ABCA4: variants seen among roughly 807,000 people sequenced by gnomAD.
The protein encoded by ABCA4 is ATP binding cassette subfamily A member 4.
Under a neutral mutation model 263.7 loss-of-function variants are expected in ABCA4, and 196 were observed. That is an observed-to-expected ratio of 0.74 (90% CI 0.66 to 0.84). The LOEUF is 0.84. ABCA4 is among the 40% of genes least tolerant of loss of function. The pLI, the probability that ABCA4 is intolerant of heterozygous loss-of-function variation, is 0.00. For missense variants in ABCA4, 2,792 were observed against 2,855.1 expected, an observed-to-expected ratio of 0.98 and a Z score of 0.50; for synonymous variants, 1,133 against 1,094.2, an observed-to-expected ratio of 1.04 and a Z score of -0.70.
chr1:94,077,454 G>T (rs948479869), intron 11 of ABCA4, among the ~76,000 whole-genome samples: 2 of 152,310 alleles, frequency 1.3e-5, no homozygotes, highest in Admixed American at 6.5e-5. Context: ...ACAGGAGGAG[G>T]TGCCCAGCAT....
At chr1:94,006,483 A>G (rs1014295765) in intron 43 of ABCA4, among the ~76,000 whole-genome samples, 2 of 152,184 alleles carry the variant, frequency 1.3e-5, no homozygotes, top group African/African-American at 4.8e-5. Flanking sequence ...AAATGTGCTC[A>G]TGGAAAATTC....
chr1:94,045,318 C>CTT lies in ABCA4; in HGVS notation c.2919-576_2919-575dup, dbSNP rs10717749. Among the ~76,000 whole-genome samples the CTT allele has an allele frequency of 9.7e-3, 1,292 of 132,628 alleles. 10 individuals carry two copies. The highest frequency in any genetic ancestry group is 0.013 in the African/African-American group (440 of 34,760). The allele number at this position is 132,628 out of a possible 152,430, so 87.0% of individuals were successfully genotyped here. ...TAAAAAGCCTCAGAGCAATGGTGGGCTTTTTTTTTTTTTTTTTTTAAATGG... is the reference window on the plus strand; with the variant it reads ...TAAAAAGCCTCAGAGCAATGGTGGGCTTTTTTTTTTTTTTTTTTTTTAAATGG... On this transcript the variant is annotated intron_variant, in intron 19 of 49. Transcript: ENST00000370225.
At chr1:94,070,721 C>G (rs1190198798) in intron 11 of ABCA4, among the ~76,000 whole-genome samples, 1 of 152,096 alleles carries the variant, frequency 6.6e-6, no homozygotes, top group Non-Finnish European at 1.5e-5. Context: ...AGTCCTGAAG[C>G]GTGGGTGTGG....
At chr1:94,043,562 T>C in intron 20 of ABCA4, 87 bp from the exon 21 acceptor site, 2 of 1,562,620 alleles carry the variant, frequency 1.3e-6, no homozygotes, top group Non-Finnish European at 1.7e-6. Flanking sequence ...AGGACAAGTA[T>C]TCTTGATTTG....
Position 94,060,733 on chromosome 1 carries a change from A to T in ABCA4, c.1964T>A (p.Phe655Tyr). The T allele has an allele frequency of 6.2e-7, 1 of 1,613,578 alleles. No individual in the cohort carries two copies. Among genetic ancestry groups the T allele is most frequent in the Non-Finnish European group, 8.5e-7 (1 of 1,179,744 alleles). ...DSFMIILNRC[F>Y]PIFMVLAWIY... ...CCATGCCAGCACCATGAAGATAGGG[A>T]AACAGCGGTTCAGGATGATCATGAA... is the stretch of plus-strand genomic sequence containing the variant. The change falls in exon 14 of 50, where the codon TTC becomes TAC. Residue 655 changes from phenylalanine (F) to tyrosine (Y), a missense_variant. Physicochemically the swap from Phe to Tyr is conservative, Grantham distance 22. Coordinates refer to ENST00000370225, the MANE Select transcript of ABCA4 (RefSeq NM_000350.3).
At chr1:94,012,912 G>A (rs573516849) in intron 38 of ABCA4, among the ~76,000 whole-genome samples, 24 of 152,314 alleles carry the variant, frequency 1.6e-4, no homozygotes, top group Non-Finnish European at 3.2e-4. Context: ...GATCTCACAC[G>A]GGCCGGCAGC....
chr1:94,037,713 T>C (rs995070305), intron 24 of ABCA4, among the ~76,000 whole-genome samples: 4 of 152,216 alleles, frequency 2.6e-5, no homozygotes, highest in Admixed American at 2.6e-4. Context: ...CATTAGACTT[T>C]CCTCATCTGT....
intron 1 of ABCA4, among the ~76,000 whole-genome samples, chr1:94,115,936 A>G (rs1213470293): frequency 1.3e-5 from 2 of 152,056 alleles, no homozygotes; most frequent in East Asian, 3.9e-4. Context: ...CCTGCTCCAT[A>G]TATAAAGAGG....
Position 94,040,732 on chromosome 1 carries a change from A to G in ABCA4, c.3522+477T>C, listed in dbSNP as rs572948551. 2.5e-3 allele frequency among the ~76,000 whole-genome samples: 379 copies of G among 152,284 alleles called. 1 individual carries two copies. Among genetic ancestry groups the G allele is most frequent in the Non-Finnish European group, 4.1e-3 (280 of 68,016 alleles). ...GTTCACTTCGCAGCACAGACATAAA[A>G]CTGGGTCTCCTGATGTGCTGAAGTG... On this transcript the variant is annotated intron_variant, in intron 23 of 49. Transcript: ENST00000370225.
At chr1:94,046,007 A>T in intron 19 of ABCA4, 1 of 451,554 alleles carries the variant, frequency 2.2e-6, no homozygotes, top group Non-Finnish European at 4.5e-6. Flanking sequence ...CCCTGCCCTG[A>T]CCTTCTGTTA....
At chr1:94,002,108 G>A (rs1659206308) in intron 44 of ABCA4, 116 bp from the exon 45 acceptor site, 6 of 1,476,320 alleles carry the variant, frequency 4.1e-6, no homozygotes, top group African/African-American at 1.4e-5. Flanking sequence ...CCCCAGCTAG[G>A]CTGAAACAGG....
intron 1 of ABCA4, among the ~76,000 whole-genome samples, chr1:94,116,927 C>G (rs1460094110): frequency 6.6e-6 from 1 of 150,444 alleles, no homozygotes; most frequent in Non-Finnish European, 1.5e-5. Context: ...TTTTTCTTTT[C>G]TTTTCTTTTC....
At position 94,031,055 on chromosome 1, in the gene ABCA4, G is replaced by A. The variant is rs763857670; in HGVS notation, c.4194C>T (p.Gly1398=). Residue 1398 remains glycine, a synonymous_variant, in exon 28 of 50, where the codon GGC becomes GGT. Transcript: ENST00000370225. The part of the protein sequence containing the change: ...LMLSIVIPPF[G]EYPALTLHPW... Reference sequence around the variant, plus strand: ...GGTGAAGGGTCAAAGCGGGGTATTCGCCAAAAGGAGGGATAACAATAGAAA... The same window carrying A: ...GGTGAAGGGTCAAAGCGGGGTATTCACCAAAAGGAGGGATAACAATAGAAA... 2.1e-5 allele frequency: 34 copies of A among 1,613,970 alleles called. No individual in the cohort carries two copies. Among genetic ancestry groups the A allele is most frequent in the Admixed American group, 1.3e-4 (8 of 60,004 alleles).
At chr1:94,001,630 G>A in intron 45 of ABCA4, 1 of 697,852 alleles carries the variant, frequency 1.4e-6, no homozygotes. Flanking sequence ...TCCTGGGAAC[G>A]CAGGATGTGC....
chr1:94,102,958 C>G (rs1048171562), intron 5 of ABCA4, 57 bp downstream of exon 5: 42 of 1,612,226 alleles, frequency 2.6e-5, no homozygotes, highest in Non-Finnish European at 3.5e-5. Context: ...TCTTGCCTTT[C>G]TCAGGCTGGG....
rs568550684 is a variant in ABCA4 at position 94,040,248 on chromosome 1, C to T, written c.3523-121G>A. The T allele has an allele frequency of 7.4e-6, 6 of 807,640 alleles. No homozygotes were observed. In the East Asian group the frequency reaches 1.1e-4, roughly 14 times the overall value. The allele number at this position is 807,640 out of a possible 1,614,324, so 50.0% of individuals were successfully genotyped here. A position where few individuals can be genotyped will look rare whatever the true frequency, so the allele number is the denominator to read the frequency against. On this transcript the variant is annotated intron_variant, in intron 23 of 49. Coordinates refer to ENST00000370225, the MANE Select transcript of ABCA4 (RefSeq NM_000350.3). ...TTCTCACTGCCAAGTGTAGTCAACA[C>T]ATTTTTTTCTTCACTGTTTAATCTG...
At chr1:94,088,288 T>C (rs1298666603) in intron 6 of ABCA4, among the ~76,000 whole-genome samples, 1 of 152,220 alleles carries the variant, frequency 6.6e-6, no homozygotes, top group Non-Finnish European at 1.5e-5. Flanking sequence ...GCTACTTCTC[T>C]GCCTTTCCCA....
intron 31 of ABCA4, among the ~76,000 whole-genome samples, chr1:94,023,717 G>C (rs1659965319): frequency 6.6e-6 from 1 of 152,156 alleles, no homozygotes; most frequent in Non-Finnish European, 1.5e-5. Flanking sequence ...TCTGGACCCA[G>C]AACACACGGC....
intron 36 of ABCA4, chr1:94,018,566 A>G (rs981327973): frequency 6.6e-6 from 3 of 455,860 alleles, no homozygotes; most frequent in African/African-American, 4.0e-5. Flanking sequence ...AGGAATTCCA[A>G]TATTCACCAT....
Sources: allele counts gnomAD v4.1 joint callset (sites outside exome capture counted in the v4.1 genomes callset), GRCh38; gene constraint gnomAD v4.1.1; transcripts MANE v1.5; gene names NCBI Gene and HGNC (gene_info 2026-07-23, HGNC 2026-07-21).